SLC24A2: variants seen among roughly 807,000 people sequenced by gnomAD.
The protein encoded by SLC24A2 is sodium/potassium/calcium exchanger 2.
Under a neutral mutation model 62.0 loss-of-function variants are expected in SLC24A2, and 36 were observed. The observed-to-expected ratio is 0.58, with a 90% CI of 0.44 to 0.77. The LOEUF (loss-of-function observed/expected upper bound fraction) is 0.77, where lower values mean the gene tolerates loss of function less well. Ranked by LOEUF, SLC24A2 falls within the 30% of genes least tolerant of loss-of-function variation. SLC24A2 has a pLI of 0.00. For synonymous variants in SLC24A2, 358 were observed against 294.0 expected (o/e 1.22, Z -2.23); for missense variants, 846 against 817.9 (o/e 1.03, Z -0.42).
At chr9:20,061,187 A>G in the SLC24A2 span, among the ~76,000 whole-genome samples, 14 of 152,226 alleles carry the variant, frequency 9.2e-5, no homozygotes, top group African/African-American at 3.4e-4. Context: ...ACTTACTATA[A>G]AGCTACAGTA....
chr9:20,294,490 G>C, the SLC24A2 span, among the ~76,000 whole-genome samples: 3 of 152,146 alleles, frequency 2.0e-5, no homozygotes, highest in African/African-American at 7.2e-5. Flanking sequence ...ATTCTTTCTT[G>C]TCTCAGAAAT....
intron 8 of SLC24A2, among the ~76,000 whole-genome samples, chr9:19,532,394 C>A (rs147656178): frequency 6.6e-6 from 1 of 152,324 alleles, no homozygotes; most frequent in Non-Finnish European, 1.5e-5. Flanking sequence ...CCTCACCTGA[C>A]TCCCATATAC....
chr9:19,587,188 C>G (rs1296222901), intron 5 of SLC24A2, among the ~76,000 whole-genome samples: 1 of 152,010 alleles, frequency 6.6e-6, no homozygotes, highest in East Asian at 1.9e-4. Flanking sequence ...AGTAGGTGCT[C>G]AAGAAATAGG....
At chr9:20,109,591 T>C in the SLC24A2 span, among the ~76,000 whole-genome samples, 26 of 152,204 alleles carry the variant, frequency 1.7e-4, no homozygotes, top group African/African-American at 5.8e-4. Flanking sequence ...ACATGTGTCA[T>C]CACAACTTGT....
chr9:19,996,363 G>A, the SLC24A2 span, among the ~76,000 whole-genome samples: 12 of 152,126 alleles, frequency 7.9e-5, no homozygotes, highest in Non-Finnish European at 1.6e-4. Context: ...TCTAATATTT[G>A]AGTCGATTAT....
At chr9:20,062,114 A>C in the SLC24A2 span, among the ~76,000 whole-genome samples, 1 of 152,186 alleles carries the variant, frequency 6.6e-6, no homozygotes, top group Admixed American at 6.5e-5. Context: ...CTGTAGTCTT[A>C]GCTAATATGG....
chr9:20,307,061 C>T, the SLC24A2 span, among the ~76,000 whole-genome samples: 2 of 152,162 alleles, frequency 1.3e-5, no homozygotes, highest in Admixed American at 1.3e-4. Flanking sequence ...GTAATTTTAC[C>T]TACTATGTTT....
chr9:19,758,838 T>C (rs1218256171), intron 2 of SLC24A2, among the ~76,000 whole-genome samples: 2 of 152,194 alleles, frequency 1.3e-5, no homozygotes, highest in African/African-American at 4.8e-5. Context: ...CAGTAATTCC[T>C]GCTAATCAGA....
At chr9:19,569,788 T>A (rs190128680) in intron 7 of SLC24A2, among the ~76,000 whole-genome samples, 1 of 152,180 alleles carries the variant, frequency 6.6e-6, no homozygotes, top group Admixed American at 6.5e-5. Flanking sequence ...TCTGACTTCA[T>A]TGCTACCATG....
At chr9:20,095,347 A>G in the SLC24A2 span, among the ~76,000 whole-genome samples, 2 of 152,226 alleles carry the variant, frequency 1.3e-5, no homozygotes, top group East Asian at 1.9e-4. Context: ...ATTGGCCCAC[A>G]GGGTGCCTAG....
the SLC24A2 span, among the ~76,000 whole-genome samples, chr9:20,160,974 A>C: frequency 6.6e-6 from 1 of 151,414 alleles, no homozygotes; most frequent in South Asian, 2.1e-4. Flanking sequence ...AGAAGTCAAT[A>C]AAATGAAAAA....
the SLC24A2 span, among the ~76,000 whole-genome samples, chr9:20,092,408 A>G: frequency 1.3e-5 from 2 of 152,136 alleles, no homozygotes; most frequent in Admixed American, 1.3e-4. Flanking sequence ...ACGCAAATTC[A>G]TAAACTTTCT....
intron 2 of SLC24A2, among the ~76,000 whole-genome samples, chr9:19,780,647 G>A (rs987420899): frequency 1.3e-5 from 2 of 151,446 alleles, no homozygotes; most frequent in African/African-American, 4.8e-5. Context: ...AGCACTTTGG[G>A]AGCTGAGGCA....
chr9:19,780,915 T>C (rs1822999117), intron 2 of SLC24A2, among the ~76,000 whole-genome samples: 1 of 130,220 alleles, frequency 7.7e-6, no homozygotes, highest in Non-Finnish European at 1.7e-5. Flanking sequence ...TTCCAAACTA[T>C]TAAAGGGAAA....
At chr9:19,691,124 A>G (rs1457400144) in intron 2 of SLC24A2, among the ~76,000 whole-genome samples, 1 of 152,166 alleles carries the variant, frequency 6.6e-6, no homozygotes, top group Non-Finnish European at 1.5e-5. Flanking sequence ...ACACTGAAAC[A>G]TCCTCCTTTG....
intron 7 of SLC24A2, among the ~76,000 whole-genome samples, 196 bp from the exon 8 acceptor site, chr9:19,550,464 G>A (rs765268392): frequency 2.6e-5 from 4 of 152,182 alleles, no homozygotes; most frequent in Non-Finnish European, 4.4e-5. Flanking sequence ...GTCCAGCCAT[G>A]AGCATGTAAG....
intron 2 of SLC24A2, among the ~76,000 whole-genome samples, chr9:19,774,543 C>T (rs971128857): frequency 3.3e-5 from 5 of 151,972 alleles, no homozygotes; most frequent in Admixed American, 1.3e-4. Flanking sequence ...TCAGGTGGTA[C>T]GGAAAAAGAA....
the SLC24A2 span, among the ~76,000 whole-genome samples, chr9:19,822,255 A>C: frequency 7.2e-5 from 11 of 152,300 alleles, no homozygotes; most frequent in Non-Finnish European, 1.6e-4. Flanking sequence ...TATGAGGGGA[A>C]TGTTATCCAT....
the SLC24A2 span, among the ~76,000 whole-genome samples, chr9:19,850,928 T>A: frequency 8.1e-6 from 1 of 123,232 alleles, no homozygotes; most frequent in South Asian, 2.6e-4. Context: ...AGTACTCATG[T>A]GGGCATATAT....
Sources: allele counts gnomAD v4.1 joint callset (sites outside exome capture counted in the v4.1 genomes callset), GRCh38; gene constraint gnomAD v4.1.1; transcripts MANE v1.5; gene names NCBI Gene and HGNC (gene_info 2026-07-23, HGNC 2026-07-21).